The following MEI4 variants were observed in gnomAD, a reference collection of about 807,000 sequenced individuals.
The protein encoded by MEI4 is meiosis-specific protein MEI4.
Under a neutral mutation model 31.4 loss-of-function variants are expected in MEI4, and 27 were observed. The ratio of observed to expected loss-of-function variants is 0.86; its 90% CI spans 0.63 to 1.19. The LOEUF (loss-of-function observed/expected upper bound fraction) is 1.19. Ranked by LOEUF, MEI4 falls within the 50% of genes most tolerant of loss-of-function variation. The pLI is 0.00. For missense variants in MEI4, 329 were observed against 398.9 expected, an observed-to-expected ratio of 0.82 and a Z score of 1.49; for synonymous variants, 122 against 145.4, an observed-to-expected ratio of 0.84 and a Z score of 1.16.
intron 2 of MEI4, among the ~76,000 whole-genome samples, chr6:77,753,709 T>C (rs1767842077): frequency 6.6e-6 from 1 of 152,196 alleles, no homozygotes; most frequent in Non-Finnish European, 1.5e-5. Context: ...CTCAAGGATC[T>C]AGAACCAGAA....
intron 4 of MEI4, among the ~76,000 whole-genome samples, chr6:77,910,203 G>T (rs1037982039): frequency 2.6e-5 from 4 of 152,088 alleles, no homozygotes; most frequent in African/African-American, 9.7e-5. Context: ...GGAAGTTCTG[G>T]CCAGGGCAAT....
chr6:77,651,453 A>T (rs9341678), upstream of MEI4, among the ~76,000 whole-genome samples: 6 of 152,202 alleles, frequency 3.9e-5, no homozygotes, highest in African/African-American at 1.2e-4. Context: ...TAATATTCAT[A>T]AAATGCACAT....
intron 4 of MEI4, among the ~76,000 whole-genome samples, chr6:77,875,806 C>T (rs1771319626): frequency 6.6e-6 from 1 of 151,948 alleles, no homozygotes; most frequent in African/African-American, 2.4e-5. Flanking sequence ...ATGCATATAC[C>T]CTTTAATCTT....
At chr6:77,732,565 A>G (rs953413972) in intron 2 of MEI4, among the ~76,000 whole-genome samples, 8 of 151,972 alleles carry the variant, frequency 5.3e-5, no homozygotes, top group Non-Finnish European at 7.4e-5. Context: ...CAATCATGTC[A>G]TCTGCAAACA....
At chr6:77,702,687 C>T (rs1766250533) in intron 2 of MEI4, among the ~76,000 whole-genome samples, 1 of 152,160 alleles carries the variant, frequency 6.6e-6, no homozygotes, top group Non-Finnish European at 1.5e-5. Context: ...TATTTAATTT[C>T]AGATATAACC....
At chr6:77,729,111 A>G (rs1230817545) in intron 2 of MEI4, among the ~76,000 whole-genome samples, 1 of 152,188 alleles carries the variant, frequency 6.6e-6, no homozygotes, top group Non-Finnish European at 1.5e-5. Flanking sequence ...ATTAACATGA[A>G]CTCATAGAGA....
intron 1 of MEI4, among the ~76,000 whole-genome samples, chr6:77,686,584 AT>A (rs1244680290): frequency 6.6e-6 from 1 of 152,144 alleles, no homozygotes; most frequent in East Asian, 1.9e-4. Context: ...TTTCAAAAAC[AT>A]TTTTAGTTGA....
At chr6:77,743,423 G>A (rs533186423) in intron 2 of MEI4, among the ~76,000 whole-genome samples, 1 of 152,102 alleles carries the variant, frequency 6.6e-6, no homozygotes, top group Admixed American at 6.5e-5. Flanking sequence ...CTCTCTGTTT[G>A]TCTGTTATTG....
At position 77,761,581 on chromosome 6, in the gene MEI4, T is replaced by C. The variant is rs2127682614; in HGVS notation, c.684T>C (p.His228=). The change falls in exon 3 of 5, where the codon CAT becomes CAC. Residue 228 remains histidine, a synonymous_variant. Coordinates refer to ENST00000684080, the MANE Select transcript of MEI4 (RefSeq NM_001322247.2). ...TCAGTGACTATAACTTATCTAGTCA[T>C]ATTCTTAAAAAGTGTTCCAAGAAGT... is the stretch of plus-strand genomic sequence containing the variant. ...SLISDYNLSS[H]ILKKCSKKLE... 4 of 1,231,912 alleles carry C rather than the reference T, an allele frequency of 3.2e-6. No individual in the cohort carries two copies. The highest frequency in any genetic ancestry group is 4.0e-6 in the Non-Finnish European group (4 of 987,748). The allele number at this position is 1,231,912 out of a possible 1,614,324, so 76.3% of individuals were successfully genotyped here. A position where few individuals can be genotyped will look rare whatever the true frequency, so the allele number is the denominator to read the frequency against.
intron 3 of MEI4, among the ~76,000 whole-genome samples, chr6:77,795,871 T>C (rs67193286): frequency 0.15 from 22,616 of 152,026 alleles, 1,825 homozygotes; most frequent in East Asian, 0.27. Flanking sequence ...TTTTCCAAAA[T>C]TTGAAGAGAA....
chr6:77,659,505 C>A (rs148044678), intron 1 of MEI4, among the ~76,000 whole-genome samples: 1,597 of 152,010 alleles, frequency 0.011, 30 homozygotes, highest in African/African-American at 0.035. Flanking sequence ...GGGGTAACTG[C>A]GTAGAGGGGG....
intron 4 of MEI4, among the ~76,000 whole-genome samples, chr6:77,905,475 CT>C (rs70974691): frequency 2.1e-4 from 20 of 93,338 alleles, no homozygotes; most frequent in South Asian, 4.5e-4. Flanking sequence ...AAATTTTCAG[CT>C]TTTTTTTTTT....
intron 1 of MEI4, among the ~76,000 whole-genome samples, chr6:77,673,073 C>G (rs1053553944): frequency 2.0e-5 from 3 of 152,096 alleles, no homozygotes; most frequent in Non-Finnish European, 2.9e-5. Flanking sequence ...ACTAATTGTT[C>G]TTCTAGTTAC....
At chr6:77,903,968 G>A (rs541528933) in intron 4 of MEI4, among the ~76,000 whole-genome samples, 2 of 152,176 alleles carry the variant, frequency 1.3e-5, no homozygotes, top group South Asian at 4.1e-4. Context: ...GTCACTTGTA[G>A]GCAGCATTTA....
chr6:77,841,333 A>ATATATTTTT, intron 4 of MEI4, among the ~76,000 whole-genome samples: 3 of 27,736 alleles, frequency 1.1e-4, no homozygotes, highest in South Asian at 1.2e-3. Context: ...ATATATATAT[A>ATATATTTTT]TTTTTTTTTT....
chr6:77,828,176 C>T (rs928211887), intron 3 of MEI4, among the ~76,000 whole-genome samples: 6 of 151,852 alleles, frequency 4.0e-5, no homozygotes, highest in Non-Finnish European at 8.8e-5. Context: ...ATTCAGGGGT[C>T]CCTCAGTAAG....
chr6:77,747,911 G>C (rs1767658134), intron 2 of MEI4, among the ~76,000 whole-genome samples: 1 of 152,162 alleles, frequency 6.6e-6, no homozygotes, highest in Non-Finnish European at 1.5e-5. Context: ...GTTCCAAATG[G>C]GAGAAATTGA....
intron 3 of MEI4, among the ~76,000 whole-genome samples, chr6:77,789,600 G>A (rs1582144386): frequency 1.3e-5 from 2 of 152,276 alleles, no homozygotes; most frequent in South Asian, 4.1e-4. Context: ...TGAAGGACAT[G>A]AACAGACACT....
rs181081266 is a variant in MEI4 at position 77,900,468 on chromosome 6, A to G, written c.901-22621A>G. Among the ~76,000 whole-genome samples, 101 of 152,148 alleles carry G rather than the reference A, an allele frequency of 6.6e-4. 3 individuals carry two copies. In the East Asian group the frequency reaches 0.016, roughly 24 times the overall value. On this transcript the variant is annotated intron_variant, in intron 4 of 4. Transcript: ENST00000684080. ...GACATAGCTCTAGACTATAGAAATT[A>G]TAGTGACAAGAACATACGTGCTCCC...
Sources: allele counts gnomAD v4.1 joint callset (sites outside exome capture counted in the v4.1 genomes callset), GRCh38; gene constraint gnomAD v4.1.1; transcripts MANE v1.5; gene names NCBI Gene and HGNC (gene_info 2026-07-23, HGNC 2026-07-21).